PLET1: variants seen among roughly 807,000 people sequenced by gnomAD.
The protein encoded by PLET1 is placenta expressed transcript 1.
A neutral mutation model predicts 18.5 loss-of-function variants in PLET1; 20 were observed. The ratio of observed to expected loss-of-function variants is 1.08; its 90% CI spans 0.76 to 1.57. PLET1 has a LOEUF of 1.57. Among genes scored for constraint, PLET1 ranks in the 40% most tolerant of loss-of-function variants. PLET1 has a pLI of 0.00. For missense variants in PLET1, 256 were observed against 246.4 expected, an observed-to-expected ratio of 1.04 and a Z score of -0.26; for synonymous variants, 93 against 93.8, an observed-to-expected ratio of 0.99 and a Z score of 0.05.
chr11:112,258,407 C>A (rs1047430952), intron 1 of PLET1, among the ~76,000 whole-genome samples: 1 of 151,632 alleles, frequency 6.6e-6, no homozygotes, highest in Non-Finnish European at 1.5e-5. Context: ...CCTCAGCCTC[C>A]TGAGTAGCTG....
rs543092237 is a variant in PLET1, at chr11:112,255,088, GGT to G, written c.386+298_386+299del. ...TGTGTGTGGTGTGTGTGGTATGTGT[GGT>G]GTGTGTGGTATGTATGTGTGGTGTA... On this transcript the variant is annotated intron_variant, in intron 2 of 3. Coordinates refer to ENST00000338832, the MANE Select transcript of PLET1 (RefSeq NM_001145024.1). 7.1e-3 allele frequency among the ~76,000 whole-genome samples: 844 copies of G among 118,766 alleles called. 5 individuals carry two copies. The highest frequency in any genetic ancestry group is 0.014 in the South Asian group (47 of 3,368). 77.9% of individuals were successfully genotyped at this position (118,766 alleles called of 152,430 possible).
intron 2 of PLET1, among the ~76,000 whole-genome samples, chr11:112,253,071 C>G (rs1406641494): frequency 6.6e-6 from 1 of 152,138 alleles, no homozygotes; most frequent in Non-Finnish European, 1.5e-5. Context: ...CCTCAGGGCA[C>G]TTACAGTCTC....
intron 3 of PLET1, among the ~76,000 whole-genome samples, chr11:112,251,883 A>G (rs1860159892): frequency 6.6e-6 from 1 of 152,256 alleles, no homozygotes; most frequent in African/African-American, 2.4e-5. Flanking sequence ...TAAGAACTAA[A>G]GACATTGCTA....
chr11:112,259,819 C>A (rs534094053), intron 1 of PLET1, among the ~76,000 whole-genome samples: 2 of 152,268 alleles, frequency 1.3e-5, no homozygotes, highest in Non-Finnish European at 2.9e-5. Context: ...GGGTGGATCA[C>A]TTGAAGCCAG....
In PLET1 at chr11:112,248,341, T is replaced by C; in HGVS notation, c.*458A>G. 1 of 368,542 alleles carries C rather than the reference T, an allele frequency of 2.7e-6. No individual in the cohort carries two copies. The highest frequency in any genetic ancestry group is 4.8e-6 in the Non-Finnish European group (1 of 208,136). The allele number at this position is 368,542 out of a possible 1,614,324, so 22.8% of individuals were successfully genotyped here. On this transcript the variant is annotated 3_prime_UTR_variant, in exon 4 of 4. Coordinates refer to ENST00000338832, the MANE Select transcript of PLET1 (RefSeq NM_001145024.1). Reference sequence around the variant, plus strand: ...AGAGCTATTTCTCCTTTCTCCTTTCTTTCTTGAGTCACATGAGTCACAGAA... The same window carrying C: ...AGAGCTATTTCTCCTTTCTCCTTTCCTTCTTGAGTCACATGAGTCACAGAA...
At chr11:112,250,545 G>A (rs1201432361) in intron 3 of PLET1, among the ~76,000 whole-genome samples, 1 of 152,140 alleles carries the variant, frequency 6.6e-6, no homozygotes, top group Non-Finnish European at 1.5e-5. Flanking sequence ...CATCAATAAA[G>A]TAATAAATTT....
Position 112,255,446 on chromosome 11 carries a change from C to T in PLET1, c.328G>A (p.Val110Ile). 6.4e-7 allele frequency: 1 copy of T among 1,552,302 alleles called. No individual in the cohort carries two copies. The highest frequency in any genetic ancestry group is 8.7e-7 in the Non-Finnish European group (1 of 1,147,106). Residue 110 changes from valine to isoleucine, a missense_variant, in exon 2 of 4, where the codon GTC becomes ATC. Coordinates refer to ENST00000338832, the MANE Select transcript of PLET1 (RefSeq NM_001145024.1). Reference sequence around the variant, plus strand: ...GGAGCTTGCCACTGTGCCTCTAAGACCGTCATGTATTGATCTTTCACGTAA... The same window carrying T: ...GGAGCTTGCCACTGTGCCTCTAAGATCGTCATGTATTGATCTTTCACGTAA... Reference protein sequence around the residue: ...TYYVKDQYMTVLEAQWQAPEP... With the variant: ...TYYVKDQYMTILEAQWQAPEP...
At chr11:112,250,248 TTTTTGGCATTTATG>T (rs1306653174) in intron 3 of PLET1, among the ~76,000 whole-genome samples, 99 of 123,824 alleles carry the variant, frequency 8.0e-4, no homozygotes, top group Non-Finnish European at 1.4e-3. Flanking sequence ...TTTTTTTTCC[TTTTTGGCATTTATG>T]TCAGGGAAGC....
intron 1 of PLET1, among the ~76,000 whole-genome samples, chr11:112,256,359 T>C (rs1205774784): frequency 6.6e-6 from 1 of 152,228 alleles, no homozygotes; most frequent in Admixed American, 6.5e-5. Context: ...TCTTTAAGGC[T>C]TCTCCTTAAC....
In PLET1 at chr11:112,248,829, A is replaced by G; in HGVS notation, c.594T>C (p.Leu198=). ...AGAGAAGTGTGCTGGTGAGAAAAGC[A>G]AGCAGGATATAAATGGCCTCTGTGA... is the stretch of plus-strand genomic sequence containing the variant. The part of the protein sequence containing the change: ...SPITEAIYIL[L]AFLTSTLLF The change falls in exon 4 of 4, where the codon CTT becomes CTC. Residue 198 remains leucine, a synonymous_variant. Coordinates refer to ENST00000338832, the MANE Select transcript of PLET1 (RefSeq NM_001145024.1). The G allele has an allele frequency of 3.2e-6, 5 of 1,551,640 alleles. No homozygotes were observed. Among genetic ancestry groups the G allele is most frequent in the Non-Finnish European group, 4.4e-6 (5 of 1,146,994 alleles).
Position 112,248,678 on chromosome 11 carries a change from A to G in PLET1, c.*121T>C, listed in dbSNP as rs1196759610. On this transcript the variant is annotated 3_prime_UTR_variant, in exon 4 of 4. Coordinates refer to ENST00000338832, the MANE Select transcript of PLET1 (RefSeq NM_001145024.1). ...TGTTTTGGTCTGAAGCCGTGGCAGC[A>G]AAGTTGCACATTTGAGAATGTAAAG... is the stretch of plus-strand genomic sequence containing the variant. The G allele has an allele frequency of 3.1e-5, 37 of 1,200,900 alleles. No individual in the cohort carries two copies. Among genetic ancestry groups the G allele is most frequent in the African/African-American group, 4.6e-5 (3 of 64,806 alleles). The allele number at this position is 1,200,900 out of a possible 1,614,324, so 74.4% of individuals were successfully genotyped here.
chr11:112,254,203 G>T (rs1860186300), intron 2 of PLET1, among the ~76,000 whole-genome samples: 1 of 150,356 alleles, frequency 6.7e-6, no homozygotes, highest in Non-Finnish European at 1.5e-5. Flanking sequence ...GTGTGTGTGT[G>T]TGTGTGTGTG....
In PLET1 at chr11:112,254,537, A is replaced by ATGTG. The variant is rs57237248; in HGVS notation, c.386+847_386+850dup. 2.2e-4 allele frequency among the ~76,000 whole-genome samples: 17 copies of ATGTG among 76,354 alleles called. No individual in the cohort carries two copies. The East Asian group carries it at 6.4e-3, about 29-fold the overall frequency. 50.1% of individuals were successfully genotyped at this position (76,354 alleles called of 152,430 possible). A position where few individuals can be genotyped will look rare whatever the true frequency, so the allele number is the denominator to read the frequency against. On this transcript the variant is annotated intron_variant, in intron 2 of 3. Transcript: ENST00000338832. ...TGTGTGTGGTATGTATGTGTGTGGT[A>ATGTG]TGTGTGTGTGTGTGGTGTATATGTG...
At chr11:112,249,093 T>A in intron 3 of PLET1, 119 bp from the exon 4 acceptor site, 1 of 934,068 alleles carries the variant, frequency 1.1e-6, no homozygotes, top group Non-Finnish European at 1.6e-6. Context: ...GCCAGATTCA[T>A]GAGCAAAATT....
chr11:112,255,675 G>T, intron 1 of PLET1, 86 bp from the exon 2 acceptor site: 1 of 1,185,510 alleles, frequency 8.4e-7, no homozygotes, highest in Non-Finnish European at 1.2e-6. Flanking sequence ...TCAAAACAAA[G>T]CGTGAAACAA....
Position 112,260,645 on chromosome 11 carries a change from A to G in PLET1, c.-56T>C. The G allele has an allele frequency of 6.9e-7, 1 of 1,448,132 alleles. No individual in the cohort carries two copies. Among genetic ancestry groups the G allele is most frequent in the Admixed American group, 2.1e-5 (1 of 47,160 alleles). The allele number at this position is 1,448,132 out of a possible 1,614,324, so 89.7% of individuals were successfully genotyped here. On this transcript the variant is annotated 5_prime_UTR_variant, in exon 1 of 4. An upstream open reading frame in the 5' UTR loses its in-frame stop. Transcript: ENST00000338832. ...TGGAATTGGGTGAAACTGACAACTC[A>G]CCTCTTGTTTATATGCCAGGGCTTC... is the stretch of plus-strand genomic sequence containing the variant.
Position 112,260,621 on chromosome 11 carries a change from G to A in PLET1, c.-32C>T, listed in dbSNP as rs140709596. The A allele has an allele frequency of 7.5e-5, 115 of 1,529,022 alleles. No individual in the cohort carries two copies. The African/African-American group carries it at 1.5e-3, about 20-fold the overall frequency. The allele number at this position is 1,529,022 out of a possible 1,614,324, so 94.7% of individuals were successfully genotyped here. On this transcript the variant is annotated 5_prime_UTR_variant, in exon 1 of 4. Coordinates refer to ENST00000338832, the MANE Select transcript of PLET1 (RefSeq NM_001145024.1). ...AGTCTGTTTGGAAAGTGCTAGGCCT[G>A]GAATTGGGTGAAACTGACAACTCAC... is the stretch of plus-strand genomic sequence containing the variant.
Position 112,248,252 on chromosome 11 carries a change from G to A in PLET1, c.*547C>T, listed in dbSNP as rs1028764357. Among the ~76,000 whole-genome samples the A allele has an allele frequency of 4.6e-5, 7 of 152,238 alleles. No individual in the cohort carries two copies. The highest frequency in any genetic ancestry group is 2.1e-4 in the South Asian group (1 of 4,826). Reference sequence around the variant, plus strand: ...TATATTGGCTTCTCAGACATGGTTCGTTCCTGTTCTCTTGCCCTTCAAAAT... The same window carrying A: ...TATATTGGCTTCTCAGACATGGTTCATTCCTGTTCTCTTGCCCTTCAAAAT... On this transcript the variant is annotated 3_prime_UTR_variant, in exon 4 of 4. Coordinates refer to ENST00000338832, the MANE Select transcript of PLET1 (RefSeq NM_001145024.1).
chr11:112,260,362 C>T (rs1160816411), intron 1 of PLET1, 44 bp downstream of exon 1: 35 of 1,498,578 alleles, frequency 2.3e-5, no homozygotes, highest in African/African-American at 7.0e-5. Context: ...TGGTTAATTT[C>T]CCTCAGGGAA....
Sources: gnomAD v4.1 joint callset for allele counts (sites outside exome capture counted in the v4.1 genomes callset) on GRCh38, gnomAD v4.1.1 for gene constraint, MANE v1.5 for transcripts, NCBI Gene and HGNC (gene_info 2026-07-23, HGNC 2026-07-21) for gene names.